Variants in MPPED2 observed in about 807,000 individuals in gnomAD.
MPPED2 encodes metallophosphoesterase domain containing 2.
A neutral mutation model predicts 33.0 loss-of-function variants in MPPED2; 5 were observed. The observed-to-expected ratio is 0.15, with a 90% CI of 0.08 to 0.32. The LOEUF (loss-of-function observed/expected upper bound fraction) is 0.32. Ranked by LOEUF, MPPED2 falls within the 10% of genes least tolerant of loss-of-function variation. The pLI is 1.00. For missense variants in MPPED2, 275 were observed against 372.1 expected, an observed-to-expected ratio of 0.74 and a Z score of 2.15; for synonymous variants, 136 against 141.9, an observed-to-expected ratio of 0.96 and a Z score of 0.29.
chr11:30,547,655 T>C (rs1222828743), intron 2 of MPPED2, among the ~76,000 whole-genome samples: 2 of 152,202 alleles, frequency 1.3e-5, no homozygotes, highest in East Asian at 3.9e-4. Flanking sequence ...ATAAATTATG[T>C]CCAGTGGAGG....
At chr11:30,559,757 A>G (rs1028903502) in intron 2 of MPPED2, among the ~76,000 whole-genome samples, 5 of 152,204 alleles carry the variant, frequency 3.3e-5, no homozygotes. Flanking sequence ...TACCTCTCCA[A>G]ATAACCAAAG....
intron 6 of MPPED2, among the ~76,000 whole-genome samples, chr11:30,400,762 A>ATTT (rs34695831): frequency 1.4e-5 from 2 of 145,648 alleles, no homozygotes; most frequent in African/African-American, 5.0e-5. Context: ...ATCATCAAAC[A>ATTT]TTTTTTTTTT....
chr11:30,538,252 C>T (rs999554469), intron 2 of MPPED2, among the ~76,000 whole-genome samples: 1 of 152,124 alleles, frequency 6.6e-6, no homozygotes, highest in Admixed American at 6.6e-5. Context: ...GACACAGCCC[C>T]ATTTCTCCTT....
At chr11:30,458,911 G>GTTTTTTT (rs1340798234) in intron 4 of MPPED2, among the ~76,000 whole-genome samples, 9 of 86,318 alleles carry the variant, frequency 1.0e-4, no homozygotes, top group Non-Finnish European at 2.0e-4. Context: ...ATTTTGCACA[G>GTTTTTTT]TTCTTTTTTT....
Position 30,503,240 on chromosome 11 carries a change from G to A in MPPED2, c.311-7719C>T, listed in dbSNP as rs564313328. On this transcript the variant is annotated intron_variant, in intron 3 of 6. Coordinates refer to ENST00000358117, the MANE Select transcript of MPPED2 (RefSeq NM_001584.3). Reference sequence around the variant, plus strand: ...GCCGCCATGTGAAGAAAGACGTGTAGGCTTCCCCTTCCGCCATGATTATAA... The same window carrying A: ...GCCGCCATGTGAAGAAAGACGTGTAAGCTTCCCCTTCCGCCATGATTATAA... 1.5e-3 allele frequency among the ~76,000 whole-genome samples: 230 copies of A among 152,164 alleles called. 2 individuals are homozygous for A. The highest frequency in any genetic ancestry group is 5.5e-3 in the African/African-American group (228 of 41,518).
At chr11:30,431,722 CTGTTT>C (rs1213107061) in intron 4 of MPPED2, among the ~76,000 whole-genome samples, 3 of 152,014 alleles carry the variant, frequency 2.0e-5, no homozygotes, top group African/African-American at 4.8e-5. Context: ...GTGTTGTTTT[CTGTTT>C]TGTTTTGTTT....
chr11:30,535,379 TG>T (rs1954756111), intron 3 of MPPED2, among the ~76,000 whole-genome samples: 1 of 152,184 alleles, frequency 6.6e-6, no homozygotes, highest in African/African-American at 2.4e-5. Context: ...AACTGACCTG[TG>T]GGTGCCTCCA....
At chr11:30,432,263 A>G (rs751069855) in intron 4 of MPPED2, among the ~76,000 whole-genome samples, 5 of 152,130 alleles carry the variant, frequency 3.3e-5, no homozygotes, top group Non-Finnish European at 5.9e-5. Context: ...TCTTAAAGAG[A>G]TGCTGATGAA....
At chr11:30,437,708 A>C (rs1265439021) in intron 4 of MPPED2, among the ~76,000 whole-genome samples, 5 of 152,194 alleles carry the variant, frequency 3.3e-5, no homozygotes, top group Admixed American at 2.6e-4. Context: ...TGGTTCAGCT[A>C]TCATCTTGAA....
At chr11:30,541,526 G>A (rs1331314412) in intron 2 of MPPED2, among the ~76,000 whole-genome samples, 1 of 152,104 alleles carries the variant, frequency 6.6e-6, no homozygotes, top group Non-Finnish European at 1.5e-5. Flanking sequence ...ATTTTAAAGG[G>A]ATTTCAGTGC....
chr11:30,425,288 T>G (rs929286387), intron 4 of MPPED2, among the ~76,000 whole-genome samples: 2 of 152,160 alleles, frequency 1.3e-5, no homozygotes, highest in Non-Finnish European at 2.9e-5. Context: ...GTGTCAGCAT[T>G]AAGCCTCTGT....
At position 30,416,298 on chromosome 11, in the gene MPPED2, T is replaced by C. The variant is rs373540415; in HGVS notation, c.652+1220A>G. Among the ~76,000 whole-genome samples, 44 of 152,388 alleles carry C rather than the reference T, an allele frequency of 2.9e-4. 1 individual carries two copies. In the South Asian group the frequency reaches 8.3e-3, roughly 29 times the overall value. ...TTCCCCCATCACTAAAATGTGCCACTATGGCCTCCGCCATGGTGCTCACTT... is the reference window on the plus strand; with the variant it reads ...TTCCCCCATCACTAAAATGTGCCACCATGGCCTCCGCCATGGTGCTCACTT... On this transcript the variant is annotated intron_variant, in intron 5 of 6. Coordinates refer to ENST00000358117, the MANE Select transcript of MPPED2 (RefSeq NM_001584.3).
At chr11:30,397,588 A>G (rs766663898) in intron 6 of MPPED2, among the ~76,000 whole-genome samples, 4 of 152,166 alleles carry the variant, frequency 2.6e-5, no homozygotes, top group Non-Finnish European at 5.9e-5. Flanking sequence ...TAAAAGGTCT[A>G]TATAAATGCT....
chr11:30,543,044 G>A (rs960674631), intron 2 of MPPED2, among the ~76,000 whole-genome samples: 3 of 152,102 alleles, frequency 2.0e-5, no homozygotes, highest in Admixed American at 1.3e-4. Flanking sequence ...TAATTTACAT[G>A]AGAAGTGAAG....
chr11:30,548,053 C>A (rs897507310), intron 2 of MPPED2, among the ~76,000 whole-genome samples: 5 of 152,084 alleles, frequency 3.3e-5, no homozygotes, highest in Non-Finnish European at 5.9e-5. Flanking sequence ...CTTACAGAAT[C>A]CACAAGACCT....
intron 6 of MPPED2, among the ~76,000 whole-genome samples, chr11:30,412,528 C>CT (rs1329212070): frequency 4.6e-5 from 7 of 152,072 alleles, no homozygotes; most frequent in Non-Finnish European, 7.4e-5. Flanking sequence ...ACTGAAAAGG[C>CT]TTTTTTCCAC....
chr11:30,584,228 T>C (rs1957332764), intron 1 of MPPED2: 1 of 152,252 alleles, frequency 6.6e-6, no homozygotes. Flanking sequence ...GTGGAGTCTA[T>C]ATAAGGTGGG....
chr11:30,422,107 G>T (rs1421484549), intron 4 of MPPED2, among the ~76,000 whole-genome samples: 2 of 152,192 alleles, frequency 1.3e-5, no homozygotes, highest in Non-Finnish European at 2.9e-5. Context: ...GGTCCTCACT[G>T]GTTCAGTTTC....
intron 4 of MPPED2, among the ~76,000 whole-genome samples, chr11:30,422,903 C>G (rs1164183697): frequency 6.6e-6 from 1 of 152,162 alleles, no homozygotes; most frequent in Admixed American, 6.5e-5. Context: ...TGGATGGAAG[C>G]TGGGGATGCT....
Sources: gnomAD v4.1 joint callset for allele counts (sites outside exome capture counted in the v4.1 genomes callset) on GRCh38, gnomAD v4.1.1 for gene constraint, MANE v1.5 for transcripts, NCBI Gene and HGNC (gene_info 2026-07-23, HGNC 2026-07-21) for gene names.